The following TMEM183A variants were observed in gnomAD, a reference collection of about 807,000 sequenced individuals.
TMEM183A encodes transmembrane protein 183A, also known as chromosome 1 open reading frame 37.
Under a neutral mutation model 46.7 loss-of-function variants are expected in TMEM183A, and 21 were observed. That is an observed-to-expected ratio of 0.45 (90% confidence interval 0.32 to 0.65). The LOEUF is 0.65. Among genes scored for constraint, TMEM183A ranks in the 30% least tolerant of loss-of-function variants. TMEM183A has a pLI of 0.04. For synonymous variants in TMEM183A, 165 were observed against 180.2 expected (o/e 0.92, Z 0.68); for missense variants, 331 against 481.9 (o/e 0.69, Z 2.93).
At chr1:203,015,810 C>A in intron 4 of TMEM183A, 150 bp from the exon 5 acceptor site, 3 of 984,480 alleles carry the variant, frequency 3.0e-6, no homozygotes, top group South Asian at 1.8e-5. Flanking sequence ...GTAAAAGTCG[C>A]CAAGAGGTCA....
At chr1:203,011,675 T>G (rs1656602037) in intron 3 of TMEM183A, among the ~76,000 whole-genome samples, 2 of 152,110 alleles carry the variant, frequency 1.3e-5, no homozygotes, top group Non-Finnish European at 2.9e-5. Context: ...TCCCAAAGTG[T>G]TGGGTTTACA....
intron 6 of TMEM183A, 49 bp from the exon 7 acceptor site, chr1:203,020,744 C>T: frequency 1.9e-6 from 3 of 1,611,192 alleles, no homozygotes; most frequent in Non-Finnish European, 2.5e-6. Flanking sequence ...CTCTTAGAGC[C>T]ATATAATGTT....
chr1:203,015,245 G>A lies in TMEM183A; in HGVS notation c.527+197G>A, dbSNP rs144741894. ...AATTATCCAGGTAATTGTCTTCCGT[G>A]TGGTTGCCTCCTTCCCCACTCCAGT... On this transcript the variant is annotated intron_variant, in intron 4 of 7. Coordinates refer to ENST00000367242, the MANE Select transcript of TMEM183A (RefSeq NM_138391.6). The A allele has an allele frequency of 1.0e-4, 84 of 801,068 alleles. 1 individual carries two copies. In the African/African-American group the frequency reaches 1.3e-3, roughly 12 times the overall value. The allele number at this position is 801,068 out of a possible 1,614,324, so 49.6% of individuals were successfully genotyped here. A position where few individuals can be genotyped will look rare whatever the true frequency, so the allele number is the denominator to read the frequency against.
At chr1:203,018,081 A>G (rs1198028165) in intron 5 of TMEM183A, among the ~76,000 whole-genome samples, 3 of 152,132 alleles carry the variant, frequency 2.0e-5, no homozygotes, top group African/African-American at 7.2e-5. Context: ...CTCTCTGCCT[A>G]CCTTATGGCC....
At chr1:203,021,005 TGAAAG>T in intron 7 of TMEM183A, 57 bp downstream of exon 7, 1 of 1,417,546 alleles carries the variant, frequency 7.1e-7, no homozygotes, top group Non-Finnish European at 9.3e-7. Flanking sequence ...TTTTTCATTC[TGAAAG>T]GAGGTGAACC....
At chr1:203,007,751 T>A (rs775826861) in intron 1 of TMEM183A, 23 bp from the exon 2 acceptor site, 1 of 1,612,998 alleles carries the variant, frequency 6.2e-7, no homozygotes, top group Admixed American at 1.7e-5. Context: ...GCCTCTTCCT[T>A]GAGGGTTGGT....
chr1:203,012,148 T>TCACACACACACACACA lies in TMEM183A; in HGVS notation c.368-2719_368-2704dup, dbSNP rs767000280. ...ACTTCAACCATTACCCCCCACTCCA[T>TCACACACACACACACA]CACACACACACACACACACACACAC... On this transcript the variant is annotated intron_variant, in intron 3 of 7. Transcript: ENST00000367242. Among the ~76,000 whole-genome samples, 84 of 79,468 alleles carry TCACACACACACACACA rather than the reference T, an allele frequency of 1.1e-3. 9 individuals carry two copies. Among genetic ancestry groups the TCACACACACACACACA allele is most frequent in the Admixed American group, 2.4e-3 (16 of 6,698 alleles). 52.1% of individuals were successfully genotyped at this position (79,468 alleles called of 152,430 possible).
chr1:203,007,609 G>T (rs758853382), intron 1 of TMEM183A, 35 bp downstream of exon 1: 1 of 1,530,602 alleles, frequency 6.5e-7, no homozygotes, highest in South Asian at 1.2e-5. Flanking sequence ...GAAACATTTT[G>T]GGGGCTGGCG....
At chr1:203,022,731 A>T in intron 7 of TMEM183A, 124 bp from the exon 8 acceptor site, 14 of 1,260,636 alleles carry the variant, frequency 1.1e-5, no homozygotes, top group Non-Finnish European at 1.1e-5. Context: ...TGTTTGTTTT[A>T]TAATTTAGAG....
At position 203,023,044 on chromosome 1, in the gene TMEM183A, C is replaced by G; in HGVS notation, c.*4C>G. On this transcript the variant is annotated 3_prime_UTR_variant, in exon 8 of 8. Coordinates refer to ENST00000367242, the MANE Select transcript of TMEM183A (RefSeq NM_138391.6). ...CCCATTCTCCCTGAGAGCGTAGTTA[C>G]TGCTTCCCATCCCTTGGGGGCAGCC... 1 of 1,511,796 alleles carries G rather than the reference C, an allele frequency of 6.6e-7. No individual in the cohort carries two copies. Among genetic ancestry groups the G allele is most frequent in the South Asian group, 1.3e-5 (1 of 79,698 alleles). The allele number at this position is 1,511,796 out of a possible 1,614,324, so 93.6% of individuals were successfully genotyped here.
rs555357342 is a variant in TMEM183A, at chr1:203,013,803, G to A, written c.368-1086G>A. ...GTTGGGATTACAGGCGTGAGCCACC[G>A]TGCCCGGCCTAAGTGCCATCTCAGC... On this transcript the variant is annotated intron_variant, in intron 3 of 7. Transcript: ENST00000367242. The surrounding 1 kb of genome is among the most constrained non-coding windows in gnomAD (Gnocchi z 4.0). Among the ~76,000 whole-genome samples the A allele has an allele frequency of 2.2e-5, 3 of 137,642 alleles. No homozygotes were observed. The highest frequency in any genetic ancestry group is 5.5e-5 in the African/African-American group (2 of 36,132). The allele number at this position is 137,642 out of a possible 152,430, so 90.3% of individuals were successfully genotyped here.
intron 3 of TMEM183A, among the ~76,000 whole-genome samples, chr1:203,011,916 A>T: frequency 1.5e-5 from 2 of 136,460 alleles, no homozygotes; most frequent in African/African-American, 5.5e-5. Context: ...TTATTGTTTC[A>T]GCAGGTATAA....
In TMEM183A at chr1:203,008,674, G is replaced by C. The variant is rs866636201; in HGVS notation, c.231G>C (p.Gln77His). 6.9e-6 allele frequency: 11 copies of C among 1,586,126 alleles called. No homozygotes were observed. In the Middle Eastern group the frequency reaches 8.4e-4, roughly 121 times the overall value. The change falls in exon 3 of 8, where the codon CAG becomes CAC. Residue 77 changes from glutamine to histidine, a missense_variant. Gln to His is a conservative substitution (Grantham distance 24, BLOSUM62 0). Coordinates refer to ENST00000367242, the MANE Select transcript of TMEM183A (RefSeq NM_138391.6). Reference sequence around the variant, plus strand: ...CTCTTTGTGGCTTGGAAGCCTCTCAGGTTCCTGCAGAGGAAGCTCTTTCTG... The same window carrying C: ...CTCTTTGTGGCTTGGAAGCCTCTCACGTTCCTGCAGAGGAAGCTCTTTCTG... Reference protein sequence around the residue: ...VKSLCGLEASQVPAEEALSGA... With the variant: ...VKSLCGLEASHVPAEEALSGA...
chr1:203,012,123 A>G (rs941365965), intron 3 of TMEM183A, among the ~76,000 whole-genome samples: 1 of 135,534 alleles, frequency 7.4e-6, no homozygotes, highest in Admixed American at 7.6e-5. Flanking sequence ...GGCCATTTTT[A>G]CTTCAACCAT....
chr1:203,008,974 A>G (rs755170624), intron 3 of TMEM183A, among the ~76,000 whole-genome samples, 164 bp downstream of exon 3: 6 of 152,158 alleles, frequency 3.9e-5, no homozygotes, highest in Non-Finnish European at 8.8e-5. Context: ...GGGATTTAAT[A>G]CACCTGGGCT....
At chr1:203,008,223 G>A (rs1656177958) in intron 2 of TMEM183A, among the ~76,000 whole-genome samples, 1 of 152,090 alleles carries the variant, frequency 6.6e-6, no homozygotes. Flanking sequence ...CTTTCAGTCT[G>A]TTTACTCATG....
At chr1:203,015,703 C>A in intron 4 of TMEM183A, 1 of 473,676 alleles carries the variant, frequency 2.1e-6, no homozygotes, top group South Asian at 2.5e-5. Flanking sequence ...GCATAATATA[C>A]CGATACCAAT....
chr1:203,024,480 A>AGT lies in TMEM183A; in HGVS notation c.*1440_*1441insGT, dbSNP rs1553251876. 7.0e-6 allele frequency: 1 copy of AGT among 143,278 alleles called. No homozygotes were observed. Among genetic ancestry groups the AGT allele is most frequent in the Non-Finnish European group, 1.5e-5 (1 of 64,776 alleles). The allele number at this position is 143,278 out of a possible 1,614,324, so 8.9% of individuals were successfully genotyped here. A position where few individuals can be genotyped will look rare whatever the true frequency, so the allele number is the denominator to read the frequency against. On this transcript the variant is annotated 3_prime_UTR_variant, in exon 8 of 8. Coordinates refer to ENST00000367242, the MANE Select transcript of TMEM183A (RefSeq NM_138391.6). ...TTGTGAGGCAAACTGCTAAATTCAC[A>AGT]TTTTTGTTTTTTTTTTTTTACCATC...
chr1:203,007,560 C>A lies in TMEM183A; in HGVS notation c.95C>A (p.Ala32Asp). ...CGACTCAAGTTCCGGGCCCACGACG[C>A]CTGCTCCGGCCGAGGTGGGCGAGGG... ...GKRLKFRAHD[A>D]CSGRVTVADY... The change falls in exon 1 of 8, where the codon GCC becomes GAC. Residue 32 changes from alanine (A) to aspartate (D), a missense_variant. By Grantham distance (126) the Ala-to-Asp change is moderately radical. This residue lies in a region of TMEM183A where 98 missense variants were observed against 96.1 expected (regional missense o/e 1.02). Coordinates refer to ENST00000367242, the MANE Select transcript of TMEM183A (RefSeq NM_138391.6). 1 of 1,548,024 alleles carries A rather than the reference C, an allele frequency of 6.5e-7. No individual in the cohort carries two copies. Among genetic ancestry groups the A allele is most frequent in the South Asian group, 1.2e-5 (1 of 85,300 alleles).
Sources: gnomAD v4.1 joint callset for allele counts (sites outside exome capture counted in the v4.1 genomes callset) on GRCh38, gnomAD v4.1.1 for gene constraint, gnomAD v4.1.1 regional missense constraint, Gnocchi (gnomAD v3.1) non-coding constraint, MANE v1.5 for transcripts, NCBI Gene and HGNC (gene_info 2026-07-23, HGNC 2026-07-21) for gene names.